The following CHD1L variants were observed in gnomAD, a reference collection of about 807,000 sequenced individuals.
The protein encoded by CHD1L is ATP-dependent chromatin remodeler CHD1L.
In CHD1L, 118 loss-of-function variants were observed where a neutral mutation model predicts 115.9. That is an observed-to-expected ratio of 1.02 (90% CI 0.88 to 1.19). The LOEUF (loss-of-function observed/expected upper bound fraction) is 1.19, where lower values mean the gene tolerates loss of function less well. Among genes scored for constraint, CHD1L ranks in the 50% most tolerant of loss-of-function variants. The pLI, the probability that CHD1L is intolerant of heterozygous loss-of-function variation, is 0.00. For synonymous variants in CHD1L, 411 were observed against 387.1 expected, an observed-to-expected ratio of 1.06 and a Z score of -0.72; for missense variants, 1,179 against 1,065.3, an observed-to-expected ratio of 1.11 and a Z score of -1.49.
At chr1:147,224,632 C>G in the CHD1L span, among the ~76,000 whole-genome samples, 19 of 152,092 alleles carry the variant, frequency 1.2e-4, no homozygotes, top group African/African-American at 4.6e-4. Flanking sequence ...GCCTTAGCCT[C>G]CCGAGTAGCT....
the CHD1L span, chr1:147,213,348 G>A: frequency 1.2e-6 from 2 of 1,613,012 alleles, no homozygotes; most frequent in South Asian, 1.1e-5. Flanking sequence ...TGGTGTGATG[G>A]CCAGTGCAAA....
chr1:147,241,548 T>C (rs1664886456), upstream of CHD1L, among the ~76,000 whole-genome samples: 2 of 152,202 alleles, frequency 1.3e-5, no homozygotes, highest in South Asian at 4.1e-4. Context: ...AACAGCTTTA[T>C]TGCTCACACA....
rs941229215 is a variant in CHD1L, at chr1:147,295,206, C to G, written c.2616-225C>G. Among the ~76,000 whole-genome samples, 3 of 152,152 alleles carry G rather than the reference C, an allele frequency of 2.0e-5. No homozygotes were observed. The East Asian group carries it at 5.8e-4, about 29-fold the overall frequency. On this transcript the variant is annotated intron_variant, in intron 22 of 22. Transcript: ENST00000369258. ...AAATCACTGTAAAAACTTAGAGAAG[C>G]CAGCTTTTATGTGCTTGCACAATTC...
At chr1:147,179,266 A>G in the CHD1L span, 8 of 1,610,972 alleles carry the variant, frequency 5.0e-6, no homozygotes, top group African/African-American at 1.3e-5. Context: ...GGTAGCAGAG[A>G]ATTTTGATGA....
chr1:147,274,470 A>G (rs1553955822), intron 12 of CHD1L, among the ~76,000 whole-genome samples: 1 of 152,146 alleles, frequency 6.6e-6, no homozygotes, highest in East Asian at 1.9e-4. Context: ...TCCTTCTTAA[A>G]AGTTAGTCCT....
At chr1:147,272,976 G>A (rs1269302291) in intron 12 of CHD1L, among the ~76,000 whole-genome samples, 1 of 151,520 alleles carries the variant, frequency 6.6e-6, no homozygotes, top group Non-Finnish European at 1.5e-5. Flanking sequence ...GAGGTGGGTG[G>A]ATCACTGGAG....
At chr1:147,231,113 A>G in the CHD1L span, among the ~76,000 whole-genome samples, 27 of 152,064 alleles carry the variant, frequency 1.8e-4, no homozygotes, top group South Asian at 2.1e-4. Context: ...TGTCAATTTT[A>G]GATCTTTCCT....
the CHD1L span, chr1:147,178,060 G>T: frequency 2.0e-6 from 2 of 996,972 alleles, no homozygotes; most frequent in Non-Finnish European, 2.9e-6. Flanking sequence ...CCCGACCGCC[G>T]CAGTCCCAGT....
At chr1:147,275,786 A>AAAAAAG (rs1315747917) in intron 13 of CHD1L, among the ~76,000 whole-genome samples, 1 of 151,284 alleles carries the variant, frequency 6.6e-6, no homozygotes, top group African/African-American at 2.4e-5. Context: ...CTAAGCTAAA[A>AAAAAAG]AAAAAAAAAA....
At chr1:147,178,875 G>C in the CHD1L span, 1 of 1,577,148 alleles carries the variant, frequency 6.3e-7, no homozygotes, top group Non-Finnish European at 8.7e-7. Flanking sequence ...ATAAAGATTT[G>C]ATACAGGGCA....
chr1:147,242,534 C>A, upstream of CHD1L: 1 of 635,776 alleles, frequency 1.6e-6, no homozygotes, highest in Non-Finnish European at 2.2e-6. Flanking sequence ...AACTGCCTGT[C>A]CGGAAGGGTG....
At chr1:147,283,386 G>A (rs1553963195) in intron 15 of CHD1L, among the ~76,000 whole-genome samples, 1 of 152,058 alleles carries the variant, frequency 6.6e-6, no homozygotes, top group African/African-American at 2.4e-5. Context: ...TATATTATTT[G>A]GTAACATGTG....
chr1:147,269,319 T>C (rs1553951071), intron 10 of CHD1L, among the ~76,000 whole-genome samples: 1 of 152,064 alleles, frequency 6.6e-6, no homozygotes, highest in African/African-American at 2.4e-5. Context: ...GGGGTTTGAT[T>C]TAAACTTAAG....
Position 147,276,208 on chromosome 1 carries a change from G to T in CHD1L, c.1490G>T (p.Gly497Val), listed in dbSNP as rs149130696. Residue 497 changes from glycine to valine, a missense_variant, in exon 14 of 23, where the codon GGC becomes GTC. Physicochemically the swap from Gly to Val is moderately radical, Grantham distance 109. Transcript: ENST00000369258. Reference protein sequence around the residue: ...LQLTNMIIEGGHFTLGAQKPA... With the variant: ...LQLTNMIIEGVHFTLGAQKPA... ...CTCACCAACATGATCATAGAAGGAG[G>T]CCATTTTACTCTGGGAGCCCAGAAA... 3.7e-6 allele frequency: 6 copies of T among 1,614,004 alleles called. No homozygotes were observed. In the African/African-American group the frequency reaches 5.3e-5, roughly 14 times the overall value.
chr1:147,206,776 G>A, the CHD1L span, among the ~76,000 whole-genome samples: 177 of 152,204 alleles, frequency 1.2e-3, no homozygotes, highest in Non-Finnish European at 1.7e-3. Flanking sequence ...GGTGGGAAGA[G>A]TGGGGAAGCA....
At chr1:147,212,415 T>G in the CHD1L span, 12 of 1,613,958 alleles carry the variant, frequency 7.4e-6, no homozygotes, top group Non-Finnish European at 1.0e-5. Context: ...TTGGCTAATC[T>G]CTACAGCCAG....
intron 21 of CHD1L, 43 bp downstream of exon 21, chr1:147,293,765 C>T (rs782273594): frequency 6.6e-7 from 1 of 1,522,298 alleles, no homozygotes; most frequent in South Asian, 1.1e-5. Context: ...GAATTTGTTT[C>T]TAGGCATGTG....
intron 17 of CHD1L, among the ~76,000 whole-genome samples, 164 bp downstream of exon 17, chr1:147,285,651 A>C (rs2102911764): frequency 6.6e-6 from 1 of 152,298 alleles, no homozygotes; most frequent in South Asian, 2.1e-4. Context: ...GTAAGTGAAA[A>C]GTCTCAGTGT....
chr1:147,252,718 C>T lies in CHD1L; in HGVS notation c.223C>T (p.Leu75=). 1 of 1,613,788 alleles carries T rather than the reference C, an allele frequency of 6.2e-7. No individual in the cohort carries two copies. The highest frequency in any genetic ancestry group is 8.5e-7 in the Non-Finnish European group (1 of 1,179,842). ...NGCILGDEMG[L]GKTCQTIALF... ...CTGTATCCTGGGAGATGAGATGGGC[C>T]TGGGGAAGACCTGCCAGGTGTGTTA... The change falls in exon 2 of 23, where the codon CTG becomes TTG. Residue 75 remains leucine, a synonymous_variant. Transcript: ENST00000369258.
Sources: allele counts gnomAD v4.1 joint callset (sites outside exome capture counted in the v4.1 genomes callset), GRCh38; gene constraint gnomAD v4.1.1; transcripts MANE v1.5; gene names NCBI Gene and HGNC (gene_info 2026-07-23, HGNC 2026-07-21).